GPHN: variants seen among roughly 807,000 people sequenced by gnomAD.
GPHN encodes gephyrin.
In GPHN, 17 loss-of-function variants were observed where a neutral mutation model predicts 95.5. The observed-to-expected ratio is 0.18, with a 90% CI of 0.12 to 0.27. GPHN has a LOEUF of 0.27. Ranked by LOEUF, GPHN falls within the 10% of genes least tolerant of loss-of-function variation. The pLI is 1.00. For synonymous variants in GPHN, 320 were observed against 322.5 expected (o/e 0.99, Z 0.08); for missense variants, 660 against 978.1 (o/e 0.67, Z 4.34).
At chr14:67,316,983 C>A in the GPHN span, 2 of 1,110,314 alleles carry the variant, frequency 1.8e-6, no homozygotes, top group Admixed American at 2.3e-5. Flanking sequence ...CATATTAGAA[C>A]CGTGAAGAAG....
intron 1 of GPHN, among the ~76,000 whole-genome samples, chr14:66,631,162 C>G (rs973773201): frequency 6.6e-6 from 1 of 152,002 alleles, no homozygotes; most frequent in Non-Finnish European, 1.5e-5. Context: ...GAGTCTTCGT[C>G]CTCAGCCTCC....
the GPHN span, chr14:67,381,762 CT>C: frequency 0.22 from 171,679 of 772,238 alleles, 1,637 homozygotes; most frequent in African/African-American, 0.28. Context: ...ATCTTTGTTT[CT>C]TTTTTTTTTT....
At chr14:67,180,023 C>T (rs1376534138) in intron 22 of GPHN, among the ~76,000 whole-genome samples, 1 of 152,138 alleles carries the variant, frequency 6.6e-6, no homozygotes, top group Non-Finnish European at 1.5e-5. Flanking sequence ...TCTAGCTATA[C>T]CATCTTGAAA....
chr14:66,593,010 A>G (rs12147477), intron 1 of GPHN, among the ~76,000 whole-genome samples: 4,641 of 152,280 alleles, frequency 0.03, 115 homozygotes, highest in Non-Finnish European at 0.05. Context: ...GACGTGGATG[A>G]AGCTGGAAAC....
the GPHN span, among the ~76,000 whole-genome samples, chr14:67,680,821 G>A: frequency 9.9e-5 from 15 of 152,180 alleles, no homozygotes; most frequent in African/African-American, 2.9e-4. Flanking sequence ...CATTTCCAGG[G>A]GGATTTTGCT....
the GPHN span, among the ~76,000 whole-genome samples, chr14:67,605,444 A>G: frequency 6.6e-6 from 1 of 152,146 alleles, no homozygotes; most frequent in Non-Finnish European, 1.5e-5. Flanking sequence ...ATAACTTCAA[A>G]TTCCTGGGCT....
At chr14:67,278,990 CT>C in the GPHN span, 24 of 551,366 alleles carry the variant, frequency 4.4e-5, no homozygotes, top group African/African-American at 1.5e-4. Flanking sequence ...AATTCTTACA[CT>C]TTTTTCCCCC....
intron 2 of GPHN, among the ~76,000 whole-genome samples, chr14:66,757,317 A>C (rs2058593212): frequency 1.3e-5 from 2 of 150,210 alleles, no homozygotes; most frequent in South Asian, 4.2e-4. Context: ...GTATACTTGC[A>C]TTAAAAAGGG....
At chr14:66,678,627 C>G (rs2066752430) in intron 1 of GPHN, among the ~76,000 whole-genome samples, 1 of 137,706 alleles carries the variant, frequency 7.3e-6, no homozygotes, top group South Asian at 2.3e-4. Context: ...GTTTCTATGG[C>G]AGTGTCATAT....
chr14:67,078,962 C>T (rs997851068), intron 11 of GPHN, among the ~76,000 whole-genome samples: 1 of 151,848 alleles, frequency 6.6e-6, no homozygotes, highest in Admixed American at 6.6e-5. Context: ...GACTTTATAC[C>T]AACTCCAAAA....
intron 1 of GPHN, among the ~76,000 whole-genome samples, chr14:66,563,921 A>G (rs1358486727): frequency 6.6e-6 from 1 of 152,132 alleles, no homozygotes; most frequent in East Asian, 1.9e-4. Flanking sequence ...TAATTCATAG[A>G]CCATAGCAAG....
Position 66,549,657 on chromosome 14 carries a change from T to C in GPHN, c.64+41066T>C, listed in dbSNP as rs115860140. Among the ~76,000 whole-genome samples the C allele has an allele frequency of 4.9e-3, 745 of 152,330 alleles. 11 individuals are homozygous for C. The highest frequency in any genetic ancestry group is 0.017 in the African/African-American group (717 of 41,572). ...GCTACGAAACTACAGATTTTCAATA[T>C]AGATGAAGCAGCCTTATATATTGAA... On this transcript the variant is annotated intron_variant, in intron 1 of 22. Coordinates refer to ENST00000478722, the MANE Select transcript of GPHN (RefSeq NM_020806.5).
the GPHN span, among the ~76,000 whole-genome samples, chr14:67,225,964 C>CGTGT: frequency 0.023 from 989 of 42,494 alleles, 14 homozygotes; most frequent in African/African-American, 0.057. Flanking sequence ...TGTGTGTGTG[C>CGTGT]GCGCGCGCGC....
chr14:67,499,240 G>C, the GPHN span, among the ~76,000 whole-genome samples: 36 of 152,226 alleles, frequency 2.4e-4, no homozygotes, highest in African/African-American at 8.4e-4. Context: ...CTGGCCTCAA[G>C]TGATCCTCCT....
At chr14:67,083,627 A>G (rs2076777118) in intron 11 of GPHN, among the ~76,000 whole-genome samples, 1 of 152,240 alleles carries the variant, frequency 6.6e-6, no homozygotes, top group East Asian at 1.9e-4. Flanking sequence ...TTGACAAAAA[A>G]TATATACATG....
intron 1 of GPHN, among the ~76,000 whole-genome samples, chr14:66,655,065 T>G (rs2065235473): frequency 6.6e-6 from 1 of 152,200 alleles, no homozygotes; most frequent in African/African-American, 2.4e-5. Context: ...ACCTCACACT[T>G]AATTCTTTTT....
chr14:66,636,296 C>G (rs1244852776), intron 1 of GPHN, among the ~76,000 whole-genome samples: 1 of 151,926 alleles, frequency 6.6e-6, no homozygotes, highest in African/African-American at 2.4e-5. Flanking sequence ...TTTGGATTCC[C>G]CATCTTACCT....
chr14:67,653,082 C>T, the GPHN span, among the ~76,000 whole-genome samples: 19,063 of 152,156 alleles, frequency 0.13, 1,463 homozygotes, highest in South Asian at 0.33. Flanking sequence ...AGCCACCGCA[C>T]GGGGCTGAGA....
At chr14:67,600,352 T>C in the GPHN span, 2 of 630,228 alleles carry the variant, frequency 3.2e-6, no homozygotes, top group Admixed American at 3.6e-5. Context: ...CCGAGAGCTC[T>C]GCTGGGGGCT....
Sources: gnomAD v4.1 joint callset for allele counts (sites outside exome capture counted in the v4.1 genomes callset) on GRCh38, gnomAD v4.1.1 for gene constraint, MANE v1.5 for transcripts, NCBI Gene and HGNC (gene_info 2026-07-23, HGNC 2026-07-21) for gene names.